The following WFDC9 variants were observed in gnomAD, a reference collection of about 807,000 sequenced individuals.
The protein encoded by WFDC9 is protein WFDC9.
A neutral mutation model predicts 9.5 loss-of-function variants in WFDC9; 9 were observed. The observed-to-expected ratio is 0.95, with a 90% confidence interval of 0.57 to 1.65. The LOEUF is 1.65. Ranked by LOEUF, WFDC9 falls within the 40% of genes most tolerant of loss-of-function variation. The pLI, the probability that WFDC9 is intolerant of heterozygous loss-of-function variation, is 0.00. For missense variants in WFDC9, 87 were observed against 106.7 expected, an observed-to-expected ratio of 0.82 and a Z score of 0.81; for synonymous variants, 33 against 32.3, an observed-to-expected ratio of 1.02 and a Z score of -0.07.
At chr20:45,614,354 C>G (rs1314849352) in intron 2 of WFDC9, among the ~76,000 whole-genome samples, 1 of 152,162 alleles carries the variant, frequency 6.6e-6, no homozygotes, top group African/African-American at 2.4e-5. Flanking sequence ...CAGAAAGACA[C>G]AGAACTACTG....
chr20:45,630,013 C>T, intron 1 of WFDC9: 2 of 1,440,340 alleles, frequency 1.4e-6, no homozygotes, highest in Non-Finnish European at 1.9e-6. Context: ...GCATATCCAG[C>T]TCTGACCACA....
At position 45,608,542 on chromosome 20, in the gene WFDC9, A is replaced by C. The variant is rs1177606520; in HGVS notation, c.239+121T>G. 4.0e-6 allele frequency: 5 copies of C among 1,249,518 alleles called. No individual in the cohort carries two copies. The East Asian group carries it at 1.2e-4, about 29-fold the overall frequency. 77.4% of individuals were successfully genotyped at this position (1,249,518 alleles called of 1,614,324 possible). ...AGCCTAGGTTTGGAGATAGGAGGACATTGTCTTTTGCTGCCTATTTCTTTA... is the reference window on the plus strand; with the variant it reads ...AGCCTAGGTTTGGAGATAGGAGGACCTTGTCTTTTGCTGCCTATTTCTTTA... On this transcript the variant is annotated intron_variant, in intron 4 of 4. Transcript: ENST00000326000.
At position 45,622,424 on chromosome 20, in the gene WFDC9, T is replaced by C. The variant is rs1982122426; in HGVS notation, c.-152-7703A>G. The stretch of plus-strand genomic sequence containing the variant: ...TTTCATTTGGGGCAACTTCAATGCA[T>C]TGTTTCATTAAATATTTTTTAACCT... On this transcript the variant is annotated intron_variant, in intron 1 of 4. Transcript: ENST00000326000. Among the ~76,000 whole-genome samples the C allele has an allele frequency of 4.6e-5, 7 of 152,380 alleles. No individual in the cohort carries two copies. The South Asian group carries it at 1.4e-3, about 32-fold the overall frequency.
intron 1 of WFDC9, among the ~76,000 whole-genome samples, chr20:45,629,129 A>G (rs961680042): frequency 2.6e-5 from 4 of 152,118 alleles, no homozygotes; most frequent in Non-Finnish European, 5.9e-5. Context: ...TTGTATATGT[A>G]TATCTGTGTA....
chr20:45,609,460 CA>C (rs775998130), intron 3 of WFDC9, among the ~76,000 whole-genome samples: 4 of 152,130 alleles, frequency 2.6e-5, no homozygotes, highest in Non-Finnish European at 2.9e-5. Flanking sequence ...CTCAGCCTCC[CA>C]AAGTGCTGGG....
chr20:45,630,009 C>A (rs1406264845), intron 1 of WFDC9: 2 of 1,439,552 alleles, frequency 1.4e-6, no homozygotes, highest in Admixed American at 2.0e-5. Context: ...CTCTGCATAT[C>A]CAGCTCTGAC....
intron 1 of WFDC9, among the ~76,000 whole-genome samples, chr20:45,624,840 A>G (rs1046096515): frequency 5.9e-5 from 9 of 152,216 alleles, no homozygotes; most frequent in African/African-American, 2.2e-4. Flanking sequence ...TGAGAGAACA[A>G]TGAAGTCATT....
At chr20:45,628,535 T>A (rs1982275330) in intron 1 of WFDC9, among the ~76,000 whole-genome samples, 2 of 152,192 alleles carry the variant, frequency 1.3e-5, no homozygotes, top group African/African-American at 4.8e-5. Context: ...TATGACAGTG[T>A]CCAGTCTCTA....
rs1328248090 is a variant in WFDC9 at position 45,608,687 on chromosome 20, C to T, written c.215G>A (p.Cys72Tyr). 3 of 1,613,540 alleles carry T rather than the reference C, an allele frequency of 1.9e-6. No homozygotes were observed. Among genetic ancestry groups the T allele is most frequent in the Admixed American group, 3.3e-5 (2 of 59,980 alleles). Reference sequence around the variant, plus strand: ...CTCGTTGTCTAAGCAGATGTTTCCACAGTAGGTCCAGCAGCATGTATGATT... The same window carrying T: ...CTCGTTGTCTAAGCAGATGTTTCCATAGTAGGTCCAGCAGCATGTATGATT... ...RPNHTCCWTY[C>Y]GNICLDNEEP... Residue 72 changes from cysteine (C) to tyrosine (Y), a missense_variant, in exon 4 of 5, where the codon TGT (cysteine) becomes TAT (tyrosine). Physicochemically the swap from Cys to Tyr is radical, Grantham distance 194 (BLOSUM62 -2). Transcript: ENST00000326000.
Position 45,608,758 on chromosome 20 carries a change from C to T in WFDC9, c.144G>A (p.Lys48=). Residue 48 remains lysine (K), a synonymous_variant, in exon 4 of 5, where the codon AAG becomes AAA. Coordinates refer to ENST00000326000, the MANE Select transcript of WFDC9 (RefSeq NM_147198.4). ...TEQCWVQPPY[K]YCEKRCTKIM... ...TTTTAGTACACCTTTTCTCACAGTA[C>T]TTATATGGAGGCTGTACCCAGCACT... is the stretch of plus-strand genomic sequence containing the variant. The T allele has an allele frequency of 6.2e-7, 1 of 1,614,102 alleles. No homozygotes were observed. Among genetic ancestry groups the T allele is most frequent in the South Asian group, 1.1e-5 (1 of 91,080 alleles).
chr20:45,609,681 A>G (rs1354118746), intron 3 of WFDC9, among the ~76,000 whole-genome samples: 1 of 151,924 alleles, frequency 6.6e-6, no homozygotes, highest in African/African-American at 2.4e-5. Context: ...TCCATTTTTC[A>G]TGTTCTAAAA....
intron 1 of WFDC9, among the ~76,000 whole-genome samples, chr20:45,622,636 C>T (rs1982126502): frequency 1.3e-5 from 2 of 152,218 alleles, no homozygotes; most frequent in African/African-American, 4.8e-5. Context: ...GCCCAATCAC[C>T]CCCAATGCTG....
intron 3 of WFDC9, among the ~76,000 whole-genome samples, 181 bp from the exon 4 acceptor site, chr20:45,608,991 C>G (rs1981795200): frequency 6.6e-6 from 1 of 152,148 alleles, no homozygotes; most frequent in South Asian, 2.1e-4. Flanking sequence ...CTTGCATGGC[C>G]TGTGTTCCTC....
At chr20:45,624,339 T>A (rs749014301) in intron 1 of WFDC9, among the ~76,000 whole-genome samples, 4 of 152,238 alleles carry the variant, frequency 2.6e-5, no homozygotes, top group Non-Finnish European at 5.9e-5. Flanking sequence ...TGTTCCTGGC[T>A]ATTTCACAGA....
chr20:45,629,172 A>G (rs1226119417), intron 1 of WFDC9, among the ~76,000 whole-genome samples: 1 of 152,214 alleles, frequency 6.6e-6, no homozygotes, highest in African/African-American at 2.4e-5. Flanking sequence ...TGAAACAGCT[A>G]CTTACTCTTT....
At chr20:45,622,605 G>C (rs1442696444) in intron 1 of WFDC9, among the ~76,000 whole-genome samples, 16 of 152,100 alleles carry the variant, frequency 1.1e-4, no homozygotes, top group Non-Finnish European at 2.2e-4. Context: ...TGAAACATTT[G>C]AGAGTCAGTT....
chr20:45,616,547 C>A (rs1981978859), intron 1 of WFDC9, among the ~76,000 whole-genome samples: 1 of 152,238 alleles, frequency 6.6e-6, no homozygotes, highest in South Asian at 2.1e-4. Flanking sequence ...AATAGTGAAT[C>A]CTTTCCAGGA....
chr20:45,629,673 G>T, intron 1 of WFDC9: 1 of 1,084,420 alleles, frequency 9.2e-7, no homozygotes, highest in Non-Finnish European at 1.3e-6. Flanking sequence ...GGACTCTCTT[G>T]CTCTGCTCCG....
intron 2 of WFDC9, among the ~76,000 whole-genome samples, chr20:45,613,203 A>T (rs909852115): frequency 3.3e-5 from 5 of 152,194 alleles, no homozygotes; most frequent in Non-Finnish European, 5.9e-5. Flanking sequence ...CCATTTATAC[A>T]TAGGACGATG....
Sources: allele counts gnomAD v4.1 joint callset (sites outside exome capture counted in the v4.1 genomes callset), GRCh38; gene constraint gnomAD v4.1.1; transcripts MANE v1.5; gene names NCBI Gene and HGNC (gene_info 2026-07-23, HGNC 2026-07-21).